The following PGM5 variants were observed in gnomAD, a reference collection of about 807,000 sequenced individuals.
PGM5 encodes the protein phosphoglucomutase 5.
Under a neutral mutation model 59.2 loss-of-function variants are expected in PGM5, and 23 were observed. That is an observed-to-expected ratio of 0.39 (90% CI 0.28 to 0.55). The LOEUF (loss-of-function observed/expected upper bound fraction) is 0.55, where lower values mean the gene tolerates loss of function less well. Ranked by LOEUF, PGM5 falls within the 20% of genes least tolerant of loss-of-function variation. PGM5 has a pLI of 0.66. For missense variants in PGM5, 574 were observed against 748.3 expected (o/e 0.77, Z 2.72); for synonymous variants, 214 against 286.0 (o/e 0.75, Z 2.54).
chr9:68,520,284 A>C (rs905973004), intron 10 of PGM5, among the ~76,000 whole-genome samples: 1 of 152,042 alleles, frequency 6.6e-6, no homozygotes, highest in Non-Finnish European at 1.5e-5. Context: ...CTTCAAACTG[A>C]TAAAAGAGTT....
intron 10 of PGM5, among the ~76,000 whole-genome samples, chr9:68,512,312 C>T (rs960606457): frequency 3.3e-5 from 5 of 152,172 alleles, no homozygotes; most frequent in Admixed American, 1.3e-4. Flanking sequence ...TCCCTTGGAG[C>T]AGGAGTCAAG....
At chr9:68,425,033 G>A (rs951635231) in intron 6 of PGM5, among the ~76,000 whole-genome samples, 4 of 152,156 alleles carry the variant, frequency 2.6e-5, no homozygotes, top group African/African-American at 4.8e-5. Context: ...GTTATTCATT[G>A]TTTTAAAAGT....
intron 1 of PGM5, among the ~76,000 whole-genome samples, chr9:68,368,992 T>C (rs548171953): frequency 2.8e-4 from 42 of 152,408 alleles, no homozygotes; most frequent in African/African-American, 9.9e-4. Flanking sequence ...TCCTCAAACA[T>C]GTTTTTGTTT....
At chr9:68,419,253 C>CT (rs1175595630) in intron 6 of PGM5, among the ~76,000 whole-genome samples, 2 of 151,736 alleles carry the variant, frequency 1.3e-5, no homozygotes, top group South Asian at 2.1e-4. Context: ...TATGTTTTAA[C>CT]TTTTTTTTTC....
chr9:68,424,623 G>C (rs557015483), intron 6 of PGM5, among the ~76,000 whole-genome samples: 42 of 152,306 alleles, frequency 2.8e-4, no homozygotes, highest in Admixed American at 1.4e-3. Context: ...CTTAAACAAG[G>C]CAGAAGGGTT....
intron 6 of PGM5, among the ~76,000 whole-genome samples, chr9:68,425,516 A>G (rs978920994): frequency 2.6e-5 from 4 of 152,236 alleles, no homozygotes; most frequent in Admixed American, 1.3e-4. Context: ...CTTAATGTAC[A>G]TAATGGAGAA....
intron 6 of PGM5, among the ~76,000 whole-genome samples, chr9:68,444,455 C>A (rs11142449): frequency 0.075 from 11,332 of 152,038 alleles, 660 homozygotes; most frequent in African/African-American, 0.16. Context: ...AAGGAGTAAC[C>A]CAGAATCAAT....
At chr9:68,450,844 A>G (rs567920727) in intron 6 of PGM5, among the ~76,000 whole-genome samples, 2 of 152,344 alleles carry the variant, frequency 1.3e-5, no homozygotes, top group East Asian at 3.9e-4. Context: ...CGAAATCTGC[A>G]TAATTAACTG....
intron 9 of PGM5, among the ~76,000 whole-genome samples, chr9:68,489,023 C>T (rs1160378695): frequency 6.6e-6 from 1 of 152,162 alleles, no homozygotes; most frequent in Non-Finnish European, 1.5e-5. Flanking sequence ...TCAGGGGCGA[C>T]TTCATTGTGC....
intron 6 of PGM5, among the ~76,000 whole-genome samples, chr9:68,456,211 A>G (rs1823771825): frequency 6.6e-6 from 1 of 151,882 alleles, no homozygotes; most frequent in African/African-American, 2.4e-5. Context: ...GAGTGTACCA[A>G]CTTATAATCT....
intron 8 of PGM5, among the ~76,000 whole-genome samples, chr9:68,479,793 G>A (rs569871300): frequency 6.6e-6 from 1 of 152,314 alleles, no homozygotes; most frequent in East Asian, 1.9e-4. Flanking sequence ...AATTAGCTGG[G>A]CGTAGTGGCG....
chr9:68,394,010 A>G (rs1346297172), intron 6 of PGM5: 4 of 152,172 alleles, frequency 2.6e-5, no homozygotes, highest in African/African-American at 9.7e-5. Flanking sequence ...CCAGTAACAA[A>G]CAAATACATA....
intron 6 of PGM5, among the ~76,000 whole-genome samples, chr9:68,439,374 A>AAT (rs1341525462): frequency 3.9e-4 from 58 of 147,444 alleles, no homozygotes; most frequent in African/African-American, 1.3e-3. Context: ...TCAATATATA[A>AAT]ATATATATAT....
chr9:68,487,497 C>CAA (rs1167774791), intron 9 of PGM5, among the ~76,000 whole-genome samples: 2 of 148,672 alleles, frequency 1.3e-5, no homozygotes, highest in African/African-American at 5.0e-5. Context: ...CACACACACA[C>CAA]AAATCAGGTG....
chr9:68,456,280 G>C (rs1325666696), intron 6 of PGM5, among the ~76,000 whole-genome samples: 1 of 150,444 alleles, frequency 6.6e-6, no homozygotes, highest in African/African-American at 2.4e-5. Context: ...TTTGGTATTA[G>C]ATTTTTTCTT....
intron 6 of PGM5, among the ~76,000 whole-genome samples, chr9:68,414,350 T>C (rs1447860983): frequency 1.3e-5 from 2 of 152,242 alleles, no homozygotes; most frequent in Non-Finnish European, 2.9e-5. Flanking sequence ...CCAGGTGAGA[T>C]AAATCCAGGA....
intron 1 of PGM5, among the ~76,000 whole-genome samples, chr9:68,362,554 G>A (rs1290254142): frequency 3.3e-5 from 5 of 152,080 alleles, no homozygotes; most frequent in East Asian, 3.9e-4. Context: ...ATCTTTAAAC[G>A]AATTGTGGTT....
At chr9:68,475,879 G>C (rs1028307494) in intron 7 of PGM5, among the ~76,000 whole-genome samples, 3 of 152,146 alleles carry the variant, frequency 2.0e-5, no homozygotes, top group Non-Finnish European at 4.4e-5. Context: ...AAATTAGCCA[G>C]GCATGGTGGT....
rs1834662632 is a variant in PGM5 at position 68,365,483 on chromosome 9, A to T, written c.261+8095A>T. Among the ~76,000 whole-genome samples, 4 of 152,146 alleles carry T rather than the reference A, an allele frequency of 2.6e-5. No individual in the cohort carries two copies. In the South Asian group the frequency reaches 8.3e-4, roughly 32 times the overall value. On this transcript the variant is annotated intron_variant, in intron 1 of 10. Coordinates refer to ENST00000396396, the MANE Select transcript of PGM5 (RefSeq NM_021965.4). The stretch of plus-strand genomic sequence containing the variant: ...TAGAATATATATGTGACTTGTTAAA[A>T]TGAAAATCCACCTTCTCTGAGTCTT...
Sources: allele counts gnomAD v4.1 joint callset (sites outside exome capture counted in the v4.1 genomes callset), GRCh38; gene constraint gnomAD v4.1.1; transcripts MANE v1.5; gene names NCBI Gene and HGNC (gene_info 2026-07-23, HGNC 2026-07-21).